Variants in LRBA observed in about 807,000 individuals in gnomAD.
LRBA encodes the protein LPS responsive beige-like anchor protein, also known as lipopolysaccharide-responsive and beige-like anchor protein.
In LRBA, 176 loss-of-function variants were observed where a neutral mutation model predicts 330.0. That is an observed-to-expected ratio of 0.53 (90% CI 0.47 to 0.60). LRBA has a LOEUF of 0.60. Ranked by LOEUF, LRBA falls within the 20% of genes least tolerant of loss-of-function variation. LRBA has a pLI of 0.00. For missense variants in LRBA, 3,259 were observed against 3,444.8 expected, an observed-to-expected ratio of 0.95 and a Z score of 1.35; for synonymous variants, 1,230 against 1,193.0, an observed-to-expected ratio of 1.03 and a Z score of -0.64.
At position 150,583,265 on chromosome 4, in the gene LRBA, A is replaced by G. The variant is rs1771638429; in HGVS notation, c.6330+4783T>C. ...CCCACCGAATTTGAGGTGGTGCTCT[A>G]CCTAAACCAGATGGGCGTCTTCAAC... On this transcript the variant is annotated intron_variant, in intron 40 of 56. Coordinates refer to ENST00000651943, the MANE Select transcript of LRBA (RefSeq NM_001364905.1). This position sits in a 1 kb window ranked among gnomAD's most constrained non-coding sequence, Gnocchi z 9.8. 1 of 1,614,118 alleles carries G rather than the reference A, an allele frequency of 6.2e-7. No individual in the cohort carries two copies. Among genetic ancestry groups the G allele is most frequent in the Non-Finnish European group, 8.5e-7 (1 of 1,180,020 alleles).
intron 40 of LRBA, among the ~76,000 whole-genome samples, chr4:150,516,251 A>G (rs1762352200): frequency 1.3e-5 from 1 of 75,602 alleles, no homozygotes; most frequent in African/African-American, 5.9e-5. Context: ...TTTGCTAAGT[A>G]CCTGTTGTGA....
intron 17 of LRBA, among the ~76,000 whole-genome samples, chr4:150,875,587 A>T (rs976682641): frequency 1.1e-4 from 17 of 152,248 alleles, no homozygotes; most frequent in African/African-American, 3.9e-4. Flanking sequence ...TGCACAGCCC[A>T]ATATAAAACC....
At chr4:150,996,392 A>G (rs1263676149) in intron 2 of LRBA, among the ~76,000 whole-genome samples, 1 of 152,194 alleles carries the variant, frequency 6.6e-6, no homozygotes, top group Non-Finnish European at 1.5e-5. Flanking sequence ...TAAAAAAGCC[A>G]TGAACAAAAC....
At chr4:150,376,971 A>G (rs920672265) in intron 47 of LRBA, among the ~76,000 whole-genome samples, 1 of 151,886 alleles carries the variant, frequency 6.6e-6, no homozygotes, top group African/African-American at 2.4e-5. Flanking sequence ...TCGGGGTGGG[A>G]GTGAGGGGAA....
chr4:150,282,779 CTTACGTGTAAGTTAT>C, intron 54 of LRBA, 133 bp from the exon 55 acceptor site: 1 of 628,818 alleles, frequency 1.6e-6, no homozygotes, highest in Admixed American at 3.3e-5. Context: ...AAACTTCCAT[CTTACGTGTAAGTTAT>C]TTTGCAAAAT....
chr4:150,910,254 C>G (rs1220621464), intron 9 of LRBA, among the ~76,000 whole-genome samples: 1 of 152,086 alleles, frequency 6.6e-6, no homozygotes, highest in Non-Finnish European at 1.5e-5. Context: ...AAAGCTTTTC[C>G]CTTGTGTATT....
intron 2 of LRBA, among the ~76,000 whole-genome samples, chr4:150,931,080 T>C (rs1043406394): frequency 6.6e-5 from 10 of 152,230 alleles, no homozygotes; most frequent in African/African-American, 2.4e-4. Flanking sequence ...AGAACTTTAA[T>C]ATAGCTGTTT....
chr4:150,310,283 T>C lies in LRBA; in HGVS notation c.7795A>G (p.Ile2599Val), dbSNP rs1288341022. 5.0e-6 allele frequency: 8 copies of C among 1,612,616 alleles called. No individual in the cohort carries two copies. In the African/African-American group the frequency reaches 8.0e-5, roughly 16 times the overall value. ...CFVITSDNRY[I>V]LVCGFWDKSF... is the part of the protein sequence containing the mutation. ...TTATCCCAGAAGCCACAGACGAGAA[T>C]ATAGCGGTTGTCTGAAGTGATGACA... The change falls in exon 52 of 57, where the codon ATT becomes GTT. Residue 2599 changes from isoleucine (I) to valine (V), a missense_variant. Physicochemically the swap from Ile to Val is conservative, Grantham distance 29 (BLOSUM62 3). Coordinates refer to ENST00000651943, the MANE Select transcript of LRBA (RefSeq NM_001364905.1).
chr4:150,744,101 G>C (rs923132233), intron 35 of LRBA, among the ~76,000 whole-genome samples: 1 of 151,862 alleles, frequency 6.6e-6, no homozygotes, highest in African/African-American at 2.4e-5. Context: ...ACTCATTTAG[G>C]CATTACAGAC....
At chr4:150,798,172 T>A in intron 33 of LRBA, 30 bp from the exon 34 acceptor site, 1 of 1,419,926 alleles carries the variant, frequency 7.0e-7, no homozygotes. Context: ...AAAAAAGAAG[T>A]TATAAAGAAA....
chr4:150,878,952 G>A (rs574188851), intron 17 of LRBA, among the ~76,000 whole-genome samples: 1 of 150,562 alleles, frequency 6.6e-6, no homozygotes, highest in South Asian at 2.1e-4. Flanking sequence ...ACAAAGAAGA[G>A]GTGGTAGCAA....
chr4:150,845,020 G>A (rs1256909211), intron 26 of LRBA, among the ~76,000 whole-genome samples: 2 of 152,132 alleles, frequency 1.3e-5, no homozygotes, highest in East Asian at 1.9e-4. Flanking sequence ...TGGTCTAAAC[G>A]TTTAGGGTTT....
chr4:150,479,850 C>T (rs761448066), intron 42 of LRBA, among the ~76,000 whole-genome samples: 2 of 152,220 alleles, frequency 1.3e-5, no homozygotes, highest in Non-Finnish European at 2.9e-5. Flanking sequence ...CTGAGGCCTA[C>T]TGCTAAGGAG....
At chr4:150,489,243 TATATAATATATTATATATAAGA>T (rs1561250254) in intron 41 of LRBA, among the ~76,000 whole-genome samples, 2 of 61,054 alleles carry the variant, frequency 3.3e-5, no homozygotes, top group South Asian at 1.1e-3. Flanking sequence ...TATATACGAA[TATATAATATATTATATATAAGA>T]ATATATAATA....
intron 2 of LRBA, among the ~76,000 whole-genome samples, chr4:151,003,891 G>C (rs1209235405): frequency 4.1e-5 from 3 of 72,930 alleles, no homozygotes; most frequent in African/African-American, 1.3e-4. Flanking sequence ...ACTGCTGTGT[G>C]TGTGTGTGTG....
intron 36 of LRBA, among the ~76,000 whole-genome samples, chr4:150,693,547 G>C (rs561886720): frequency 1.5e-3 from 157 of 106,990 alleles, no homozygotes; most frequent in Admixed American, 0.01. Flanking sequence ...CTGGGTGACA[G>C]AGCGAGACTC....
intron 37 of LRBA, among the ~76,000 whole-genome samples, chr4:150,663,597 T>C (rs1476900685): frequency 6.6e-6 from 1 of 151,334 alleles, no homozygotes; most frequent in Non-Finnish European, 1.5e-5. Flanking sequence ...AAGACATCCA[T>C]GGAATCTCAT....
chr4:150,743,005 T>C (rs1201975135), intron 35 of LRBA, among the ~76,000 whole-genome samples: 1 of 152,214 alleles, frequency 6.6e-6, no homozygotes, highest in Non-Finnish European at 1.5e-5. Flanking sequence ...TCTCACTCTG[T>C]TGCCCAGGCT....
intron 34 of LRBA, among the ~76,000 whole-genome samples, chr4:150,784,763 C>T (rs994414066): frequency 1.3e-5 from 2 of 152,152 alleles, no homozygotes; most frequent in Admixed American, 6.5e-5. Context: ...CTCCTTAAAA[C>T]CACTCCACGT....
Sources: allele counts gnomAD v4.1 joint callset (sites outside exome capture counted in the v4.1 genomes callset), GRCh38; gene constraint gnomAD v4.1.1; non-coding constraint Gnocchi (gnomAD v3.1); transcripts MANE v1.5; gene names NCBI Gene and HGNC (gene_info 2026-07-23, HGNC 2026-07-21).